The following CSMD3 variants were observed in gnomAD, a reference collection of about 807,000 sequenced individuals.
CSMD3 encodes CUB and Sushi multiple domains 3.
CSMD3 carries 177 observed loss-of-function variants against 435.2 expected under a neutral mutation model. That is an observed-to-expected ratio of 0.41 (90% CI 0.36 to 0.46). The LOEUF is 0.46. CSMD3 is among the 20% of genes least tolerant of loss of function. CSMD3 has a pLI of 0.34. For missense variants in CSMD3, 4,265 were observed against 4,504.6 expected, an observed-to-expected ratio of 0.95 and a Z score of 1.52; for synonymous variants, 1,656 against 1,520.5, an observed-to-expected ratio of 1.09 and a Z score of -2.07.
intron 7 of CSMD3, 83 bp from the exon 8 acceptor site, chr8:112,954,844 G>A (rs1350440644): frequency 1.2e-6 from 1 of 846,732 alleles, no homozygotes; most frequent in Admixed American, 2.0e-5. Flanking sequence ...TGTTAGCATG[G>A]ACTTATGCAA....
intron 24 of CSMD3, among the ~76,000 whole-genome samples, chr8:112,568,751 A>T (rs973224394): frequency 6.6e-6 from 1 of 152,124 alleles, no homozygotes; most frequent in Non-Finnish European, 1.5e-5. Context: ...AGTCAGCCAA[A>T]TACTTTTCCT....
At chr8:113,130,868 A>G (rs2091267043) in intron 4 of CSMD3, among the ~76,000 whole-genome samples, 1 of 152,128 alleles carries the variant, frequency 6.6e-6, no homozygotes. Context: ...TGGAGATGTT[A>G]AACTTTTTGG....
chr8:113,126,300 A>G (rs1355282809), intron 4 of CSMD3, among the ~76,000 whole-genome samples: 1 of 151,978 alleles, frequency 6.6e-6, no homozygotes, highest in Non-Finnish European at 1.5e-5. Flanking sequence ...GCACAGAAGG[A>G]AAAACTACAG....
At chr8:112,951,263 C>T (rs2083799016) in intron 8 of CSMD3, among the ~76,000 whole-genome samples, 1 of 151,772 alleles carries the variant, frequency 6.6e-6, no homozygotes, top group Admixed American at 6.6e-5. Context: ...ACAGATTTAT[C>T]ACTTTTACTT....
chr8:112,307,152 T>G (rs1821504237), intron 50 of CSMD3, among the ~76,000 whole-genome samples: 3 of 150,842 alleles, frequency 2.0e-5, no homozygotes. Flanking sequence ...GAGACAGGAG[T>G]CTCAATCTGC....
intron 22 of CSMD3, among the ~76,000 whole-genome samples, chr8:112,621,919 T>G (rs1401810696): frequency 4.6e-5 from 7 of 152,190 alleles, no homozygotes; most frequent in Admixed American, 3.3e-4. Flanking sequence ...AATATGCCTC[T>G]GTCTGGAGCC....
intron 47 of CSMD3, among the ~76,000 whole-genome samples, chr8:112,315,679 G>A (rs1822393464): frequency 6.6e-6 from 1 of 151,768 alleles, no homozygotes. Flanking sequence ...AACTTAGACT[G>A]GACTATCTTT....
At chr8:113,349,262 T>C (rs2094173633) in intron 1 of CSMD3, among the ~76,000 whole-genome samples, 2 of 152,090 alleles carry the variant, frequency 1.3e-5, no homozygotes, top group South Asian at 4.1e-4. Context: ...ACCACCCCTT[T>C]TAATGTTTGT....
chr8:113,035,917 T>G (rs1197674878), intron 5 of CSMD3, among the ~76,000 whole-genome samples: 1 of 151,972 alleles, frequency 6.6e-6, no homozygotes, highest in Non-Finnish European at 1.5e-5. Flanking sequence ...AGTAAGGAAA[T>G]GCATTCATTA....
chr8:112,705,989 A>T (rs2076491228), intron 13 of CSMD3, among the ~76,000 whole-genome samples: 1 of 152,076 alleles, frequency 6.6e-6, no homozygotes, highest in South Asian at 2.1e-4. Context: ...TCTTCAAAGG[A>T]ACTCCTTGAC....
At chr8:112,928,847 C>CT (rs2083000963) in intron 9 of CSMD3, among the ~76,000 whole-genome samples, 1 of 147,904 alleles carries the variant, frequency 6.8e-6, no homozygotes, top group African/African-American at 2.5e-5. Flanking sequence ...GTTCTAGATC[C>CT]CTGAGGAATC....
chr8:112,229,175 G>A (rs1592625), intron 69 of CSMD3, among the ~76,000 whole-genome samples: 101,468 of 152,042 alleles, frequency 0.67, 35,638 homozygotes, highest in African/African-American at 0.89. Context: ...TAATAAGTGT[G>A]TATATCAAGC....
intron 1 of CSMD3, among the ~76,000 whole-genome samples, chr8:113,365,251 T>C (rs1005425764): frequency 6.6e-6 from 1 of 152,084 alleles, no homozygotes; most frequent in African/African-American, 2.4e-5. Context: ...TAAACTGCTA[T>C]TAAGGATTCA....
intron 32 of CSMD3, among the ~76,000 whole-genome samples, chr8:112,417,390 T>C (rs1812026887): frequency 6.6e-6 from 1 of 152,152 alleles, no homozygotes; most frequent in Non-Finnish European, 1.5e-5. Flanking sequence ...AAATTAATAC[T>C]TGTAAAACAT....
chr8:112,286,651 C>G (rs1231305597), intron 58 of CSMD3, among the ~76,000 whole-genome samples: 1 of 151,972 alleles, frequency 6.6e-6, no homozygotes, highest in African/African-American at 2.4e-5. Context: ...ATAAATAAAA[C>G]TTTATTACAG....
chr8:112,582,029 C>A (rs1830370730), intron 23 of CSMD3, among the ~76,000 whole-genome samples: 1 of 151,996 alleles, frequency 6.6e-6, no homozygotes, highest in Non-Finnish European at 1.5e-5. Context: ...TTTGTGCCTT[C>A]CAAATCTCAT....
intron 13 of CSMD3, among the ~76,000 whole-genome samples, chr8:112,782,671 A>G (rs1053492623): frequency 1.3e-5 from 2 of 152,120 alleles, no homozygotes; most frequent in African/African-American, 4.8e-5. Context: ...AAGGTCAAGG[A>G]TAAAGAAAGG....
At chr8:113,002,774 C>A (rs1055173994) in intron 6 of CSMD3, among the ~76,000 whole-genome samples, 1 of 152,098 alleles carries the variant, frequency 6.6e-6, no homozygotes, top group African/African-American at 2.4e-5. Flanking sequence ...TTCCTGTCAA[C>A]ATGTTTTACT....
intron 7 of CSMD3, among the ~76,000 whole-genome samples, chr8:112,958,542 C>T (rs1015408429): frequency 6.6e-6 from 1 of 151,962 alleles, no homozygotes; most frequent in South Asian, 2.1e-4. Flanking sequence ...CCAGGTTGTC[C>T]GTTGTCTTCA....
Sources: allele counts gnomAD v4.1 joint callset (sites outside exome capture counted in the v4.1 genomes callset), GRCh38; gene constraint gnomAD v4.1.1; transcripts MANE v1.5; gene names NCBI Gene and HGNC (gene_info 2026-07-23, HGNC 2026-07-21).